Variants in SDK1 observed in about 807,000 individuals in gnomAD.
SDK1 encodes protein sidekick-1.
In SDK1, 157 loss-of-function variants were observed where a neutral mutation model predicts 245.5. The ratio of observed to expected loss-of-function variants is 0.64; its 90% CI spans 0.56 to 0.73. SDK1 has a LOEUF of 0.73. SDK1 is among the 30% of genes least tolerant of loss of function. SDK1 has a pLI of 0.00. For missense variants in SDK1, 3,583 were observed against 3,002.3 expected (o/e 1.19, Z -4.52); for synonymous variants, 1,647 against 1,278.5 (o/e 1.29, Z -6.15).
At chr7:3,607,244 A>G (rs942913226) in intron 1 of SDK1, among the ~76,000 whole-genome samples, 5 of 152,172 alleles carry the variant, frequency 3.3e-5, no homozygotes. Flanking sequence ...GTTCAGTGAT[A>G]AAGCTTGTTC....
chr7:3,472,864 G>A (rs1781227536), intron 1 of SDK1, among the ~76,000 whole-genome samples: 1 of 152,134 alleles, frequency 6.6e-6, no homozygotes, highest in African/African-American at 2.4e-5. Flanking sequence ...ATGAGAACAT[G>A]GGGTAACAGT....
At chr7:3,620,948 A>C (rs1781919828) in intron 2 of SDK1, among the ~76,000 whole-genome samples, 1 of 152,182 alleles carries the variant, frequency 6.6e-6, no homozygotes, top group African/African-American at 2.4e-5. Flanking sequence ...TGTTGAAATC[A>C]AACAGTCCTG....
intron 4 of SDK1, among the ~76,000 whole-genome samples, chr7:3,775,640 A>T (rs1283211390): frequency 6.6e-6 from 1 of 150,418 alleles, no homozygotes; most frequent in Admixed American, 6.6e-5. Context: ...GCAGTGGCGT[A>T]ATCTCGGCTC....
intron 40 of SDK1, among the ~76,000 whole-genome samples, chr7:4,225,791 G>T (rs772656849): frequency 2.0e-5 from 3 of 152,128 alleles, no homozygotes; most frequent in Non-Finnish European, 4.4e-5. Context: ...ACCCACAGGG[G>T]ACCAAGATGT....
At chr7:3,749,362 C>G (rs931130068) in intron 4 of SDK1, among the ~76,000 whole-genome samples, 1 of 151,644 alleles carries the variant, frequency 6.6e-6, no homozygotes, top group Non-Finnish European at 1.5e-5. Context: ...TGCAATGGCA[C>G]GATCTCAGCT....
chr7:3,433,868 T>C (rs984116188), intron 1 of SDK1, among the ~76,000 whole-genome samples: 4 of 152,228 alleles, frequency 2.6e-5, no homozygotes, highest in East Asian at 1.9e-4. Flanking sequence ...TTCAGAAATA[T>C]GTGTTTTAGA....
At chr7:4,193,275 A>G (rs1171462063) in intron 35 of SDK1, among the ~76,000 whole-genome samples, 5 of 135,322 alleles carry the variant, frequency 3.7e-5, no homozygotes, top group South Asian at 2.1e-4. Context: ...TTAATTACAT[A>G]TAAAATACAT....
chr7:4,161,289 T>G (rs2128212358), intron 31 of SDK1, among the ~76,000 whole-genome samples: 1 of 152,282 alleles, frequency 6.6e-6, no homozygotes, highest in African/African-American at 2.4e-5. Context: ...CACCCTGCTG[T>G]CCCAGCCAGC....
At chr7:3,627,436 C>G (rs1403752049) in intron 2 of SDK1, among the ~76,000 whole-genome samples, 1 of 152,138 alleles carries the variant, frequency 6.6e-6, no homozygotes, top group Non-Finnish European at 1.5e-5. Context: ...GATTGCGGTG[C>G]TGGCCTAGTC....
chr7:3,948,854 A>G (rs1209193856), intron 5 of SDK1, among the ~76,000 whole-genome samples: 2 of 152,218 alleles, frequency 1.3e-5, no homozygotes, highest in African/African-American at 4.8e-5. Flanking sequence ...ACCGTGGCTG[A>G]GCAGTGATTA....
chr7:3,755,652 C>T (rs553412336), intron 4 of SDK1, among the ~76,000 whole-genome samples: 2 of 152,272 alleles, frequency 1.3e-5, no homozygotes, highest in South Asian at 4.1e-4. Flanking sequence ...CCGTGTCGTT[C>T]ATTTGTAACC....
chr7:4,156,948 C>G (rs910841456), intron 30 of SDK1, among the ~76,000 whole-genome samples: 2 of 152,136 alleles, frequency 1.3e-5, no homozygotes, highest in East Asian at 3.9e-4. Flanking sequence ...GGTTAAGAGT[C>G]CTGAGGCACC....
chr7:3,376,059 TG>T (rs1781348151), intron 1 of SDK1, among the ~76,000 whole-genome samples: 1 of 152,132 alleles, frequency 6.6e-6, no homozygotes, highest in African/African-American at 2.4e-5. Flanking sequence ...GTGCTGGGCA[TG>T]GTAGCTTATG....
chr7:3,892,881 A>G (rs1472756738), intron 5 of SDK1, among the ~76,000 whole-genome samples: 1 of 152,130 alleles, frequency 6.6e-6, no homozygotes, highest in Non-Finnish European at 1.5e-5. Flanking sequence ...TTCAATATTA[A>G]CCAAGAGTTA....
rs539852432 is a variant in SDK1 at position 3,574,149 on chromosome 7, C to G, written c.299-44931C>G. Among the ~76,000 whole-genome samples, 293 of 151,036 alleles carry G rather than the reference C, an allele frequency of 1.9e-3. 5 individuals are homozygous for G. The highest frequency in any genetic ancestry group is 1.2e-3 in the Non-Finnish European group (84 of 67,764). Reference sequence around the variant, plus strand: ...TTTTTTTTTTTGAGATGGAGCCTCACTCTGTCACCTGGGCTAGAGTGCAGT... The same window carrying G: ...TTTTTTTTTTTGAGATGGAGCCTCAGTCTGTCACCTGGGCTAGAGTGCAGT... On this transcript the variant is annotated intron_variant, in intron 1 of 44. Coordinates refer to ENST00000404826, the MANE Select transcript of SDK1 (RefSeq NM_152744.4).
intron 4 of SDK1, among the ~76,000 whole-genome samples, chr7:3,795,807 T>C (rs1778947864): frequency 6.6e-6 from 1 of 152,234 alleles, no homozygotes. Flanking sequence ...TATACCCATT[T>C]GTATTCTACT....
chr7:3,658,609 C>CTTT lies in SDK1; in HGVS notation c.713+16522_713+16524dup, dbSNP rs71029690. 2.7e-4 allele frequency among the ~76,000 whole-genome samples: 28 copies of CTTT among 101,964 alleles called. 1 individual carries two copies. The highest frequency in any genetic ancestry group is 3.5e-4 in the Non-Finnish European group (18 of 52,030). The allele number at this position is 101,964 out of a possible 152,430, so 66.9% of individuals were successfully genotyped here. A position where few individuals can be genotyped will look rare whatever the true frequency, so the allele number is the denominator to read the frequency against. On this transcript the variant is annotated intron_variant, in intron 4 of 44. Transcript: ENST00000404826. ...GTAGTAGAGCTGTCACTACTATCTT[C>CTTT]TTTTTTTTTTTTTTTTTTTTGAGAC...
chr7:4,159,844 T>A (rs1240474256), intron 31 of SDK1, among the ~76,000 whole-genome samples: 1 of 152,264 alleles, frequency 6.6e-6, no homozygotes, highest in African/African-American at 2.4e-5. Flanking sequence ...TCTAGATTAC[T>A]CATGAGAGCT....
chr7:3,602,616 T>A (rs1274035010), intron 1 of SDK1, among the ~76,000 whole-genome samples: 1 of 151,696 alleles, frequency 6.6e-6, no homozygotes, highest in Non-Finnish European at 1.5e-5. Context: ...TTTTCTCCCA[T>A]TGTGTAGGTT....
Sources: gnomAD v4.1 joint callset for allele counts (sites outside exome capture counted in the v4.1 genomes callset) on GRCh38, gnomAD v4.1.1 for gene constraint, MANE v1.5 for transcripts, NCBI Gene and HGNC (gene_info 2026-07-23, HGNC 2026-07-21) for gene names.